The following DAAM2 variants were observed in gnomAD, a reference collection of about 807,000 sequenced individuals.
DAAM2 encodes the protein disheveled-associated activator of morphogenesis 2.
DAAM2 carries 39 observed loss-of-function variants against 120.7 expected under a neutral mutation model. That is an observed-to-expected ratio of 0.32 (90% confidence interval 0.25 to 0.42). DAAM2 has a LOEUF of 0.42. Ranked by LOEUF, DAAM2 falls within the 10% of genes least tolerant of loss-of-function variation. The pLI is 1.00. For missense variants in DAAM2, 1,283 were observed against 1,401.7 expected (o/e 0.92, Z 1.35); for synonymous variants, 488 against 524.9 (o/e 0.93, Z 0.96).
chr6:39,886,743 C>CA (rs1765397467), intron 15 of DAAM2: 1 of 332,690 alleles, frequency 3.0e-6, no homozygotes, highest in Non-Finnish European at 5.4e-6. Context: ...TAAGGACACA[C>CA]AGGGTAGGCA....
intron 1 of DAAM2, among the ~76,000 whole-genome samples, chr6:39,814,205 G>A (rs1046933194): frequency 1.5e-5 from 2 of 135,538 alleles, no homozygotes; most frequent in Non-Finnish European, 3.1e-5. Context: ...TTTTTTTCTC[G>A]CTCATCAGCT....
chr6:39,904,463 C>A lies in DAAM2; in HGVS notation c.*2426C>A. 2.2e-6 allele frequency: 1 copy of A among 454,612 alleles called. No homozygotes were observed. Among genetic ancestry groups the A allele is most frequent in the Non-Finnish European group, 4.4e-6 (1 of 226,974 alleles). The allele number at this position is 454,612 out of a possible 1,614,324, so 28.2% of individuals were successfully genotyped here. On this transcript the variant is annotated 3_prime_UTR_variant, in exon 25 of 25. Coordinates refer to ENST00000274867, the MANE Select transcript of DAAM2 (RefSeq NM_001201427.2). Reference sequence around the variant, plus strand: ...TTGGTCTTGCTTTCTTCATGCCCTCCCCACTGCTCCTGCCACCTTTAGATA... The same window carrying A: ...TTGGTCTTGCTTTCTTCATGCCCTCACCACTGCTCCTGCCACCTTTAGATA...
chr6:39,870,553 T>G, intron 8 of DAAM2, 110 bp downstream of exon 8: 1 of 708,354 alleles, frequency 1.4e-6, no homozygotes, highest in Non-Finnish European at 2.5e-6. Context: ...CCAGCTGCCA[T>G]TCCCAGCGCA....
In DAAM2 at chr6:39,901,483, GT is replaced by G; in HGVS notation, c.2982+12del. The G allele has an allele frequency of 1.0e-5, 16 of 1,600,592 alleles. No individual in the cohort carries two copies. In the South Asian group the frequency reaches 1.8e-4, roughly 18 times the overall value. On this transcript the variant is annotated intron_variant, in intron 24 of 24. Coordinates refer to ENST00000274867, the MANE Select transcript of DAAM2 (RefSeq NM_001201427.2). This position sits in a 1 kb window ranked among gnomAD's most constrained non-coding sequence, Gnocchi z 4.5. ...CGCATGGAAGCCATGGTGAGGGGCAGTGCCAGGCCTGGGACTGAGGGGAGAC... is the reference window on the plus strand; with the variant it reads ...CGCATGGAAGCCATGGTGAGGGGCAGGCCAGGCCTGGGACTGAGGGGAGAC...
Position 39,891,715 on chromosome 6 carries a change from A to T in DAAM2, c.2334A>T (p.Lys778Asn). ...AGCGGCTGGCTGAGGCAAAGCCCAA[A>T]GTGGAAGGTAGGGCTGAGGGTTGCA... Reference protein sequence around the residue: ...FQERLAEAKPKVEAILLASRE... With the variant: ...FQERLAEAKPNVEAILLASRE... Residue 778 changes from lysine to asparagine, a missense_variant, in exon 19 of 25, where the codon AAA (lysine) becomes AAT (asparagine). By Grantham distance (94) the Lys-to-Asn change is moderately conservative. Around this residue, in one of 3 missense-constraint regions of DAAM2, gnomAD observed 748 missense variants for 768.6 expected, o/e 0.97. Coordinates refer to ENST00000274867, the MANE Select transcript of DAAM2 (RefSeq NM_001201427.2). The T allele has an allele frequency of 6.2e-7, 1 of 1,600,656 alleles. No individual in the cohort carries two copies. The highest frequency in any genetic ancestry group is 8.5e-7 in the Non-Finnish European group (1 of 1,173,514).
chr6:39,871,110 G>C (rs920617994), intron 8 of DAAM2, among the ~76,000 whole-genome samples: 1 of 152,182 alleles, frequency 6.6e-6, no homozygotes, highest in African/African-American at 2.4e-5. Context: ...GAGACATTGG[G>C]CGATGCCTGC....
chr6:39,804,492 A>G (rs1761952996), intron 1 of DAAM2, among the ~76,000 whole-genome samples: 1 of 151,646 alleles, frequency 6.6e-6, no homozygotes, highest in South Asian at 2.1e-4. Flanking sequence ...GCTGACGCCT[A>G]TTGCACTGGT....
intron 1 of DAAM2, among the ~76,000 whole-genome samples, chr6:39,798,305 A>G (rs1353037476): frequency 6.6e-6 from 1 of 152,222 alleles, no homozygotes; most frequent in Non-Finnish European, 1.5e-5. Context: ...GGATGATAAT[A>G]AAATACCTCC....
intron 17 of DAAM2, among the ~76,000 whole-genome samples, chr6:39,889,928 G>C (rs1374610499): frequency 6.6e-6 from 1 of 152,188 alleles, no homozygotes; most frequent in Non-Finnish European, 1.5e-5. Flanking sequence ...AGGAGTTCAA[G>C]CCCAGCCTGG....
rs1341068522 is a variant in DAAM2, at chr6:39,816,291, G to C, written c.-57+23826G>C. On this transcript the variant is annotated intron_variant, in intron 1 of 24. Transcript: ENST00000274867. ...TGCAATGTATTTATTTTTGCAATGG[G>C]GCATATTGCTCTATAAATGTTCTCC... Among the ~76,000 whole-genome samples the C allele has an allele frequency of 3.9e-5, 6 of 152,174 alleles. No homozygotes were observed. In the East Asian group the frequency reaches 1.2e-3, roughly 29 times the overall value.
At chr6:39,828,499 T>C (rs1414883566) in intron 1 of DAAM2, among the ~76,000 whole-genome samples, 2 of 152,068 alleles carry the variant, frequency 1.3e-5, no homozygotes, top group Non-Finnish European at 2.9e-5. Flanking sequence ...GGAAGAACAC[T>C]GTGTCCTTAC....
chr6:39,870,940 A>G (rs1764636155), intron 8 of DAAM2, among the ~76,000 whole-genome samples: 1 of 152,176 alleles, frequency 6.6e-6, no homozygotes, highest in East Asian at 1.9e-4. Context: ...CTATTTTATT[A>G]CACTAGGTTT....
intron 17 of DAAM2, among the ~76,000 whole-genome samples, chr6:39,890,536 G>C (rs569892478): frequency 3.9e-4 from 60 of 152,300 alleles, no homozygotes; most frequent in African/African-American, 1.4e-3. Context: ...ATGAGTTCAA[G>C]GACAGGCAAA....
chr6:39,857,562 T>A (rs994698383), intron 2 of DAAM2, among the ~76,000 whole-genome samples: 4 of 152,212 alleles, frequency 2.6e-5, no homozygotes, highest in Non-Finnish European at 5.9e-5. Context: ...TGTAGAATAA[T>A]ATCTGGAGCC....
chr6:39,825,316 G>T (rs946258176), intron 1 of DAAM2, among the ~76,000 whole-genome samples: 1 of 151,952 alleles, frequency 6.6e-6, no homozygotes, highest in African/African-American at 2.4e-5. Context: ...TTGAACCCGG[G>T]AGGTGGAGGT....
Position 39,884,123 on chromosome 6 carries a change from A to G in DAAM2, c.1953+54A>G. 3 of 935,244 alleles carry G rather than the reference A, an allele frequency of 3.2e-6. No individual in the cohort carries two copies. In the South Asian group the frequency reaches 4.3e-5, roughly 14 times the overall value. The allele number at this position is 935,244 out of a possible 1,614,324, so 57.9% of individuals were successfully genotyped here. A position where few individuals can be genotyped will look rare whatever the true frequency, so the allele number is the denominator to read the frequency against. On this transcript the variant is annotated intron_variant, in intron 15 of 24. Coordinates refer to ENST00000274867, the MANE Select transcript of DAAM2 (RefSeq NM_001201427.2). The stretch of plus-strand genomic sequence containing the variant: ...GACCATACCCTTGAATCCAAACCTC[A>G]GCTTCTCCTTTTCTTTCTGCCTGCC...
intron 1 of DAAM2, chr6:39,819,522 C>G (rs1249059094): frequency 6.6e-6 from 1 of 152,186 alleles, no homozygotes; most frequent in Non-Finnish European, 1.5e-5. Flanking sequence ...ATAAGAATTA[C>G]TATCATGAGC....
chr6:39,900,016 C>T, intron 22 of DAAM2, 61 bp from the exon 23 acceptor site: 1 of 1,546,608 alleles, frequency 6.5e-7, no homozygotes, highest in Middle Eastern at 1.7e-4. Context: ...GATGTGGTGA[C>T]CCCTGCACCC....
At chr6:39,818,366 A>T (rs1304719699) in intron 1 of DAAM2, among the ~76,000 whole-genome samples, 1 of 152,108 alleles carries the variant, frequency 6.6e-6, no homozygotes, top group Non-Finnish European at 1.5e-5. Flanking sequence ...TCTGTGTGTA[A>T]TCGGGGGTGG....
Sources: allele counts gnomAD v4.1 joint callset (sites outside exome capture counted in the v4.1 genomes callset), GRCh38; gene constraint gnomAD v4.1.1; regional missense constraint gnomAD v4.1.1; non-coding constraint Gnocchi (gnomAD v3.1); transcripts MANE v1.5; gene names NCBI Gene and HGNC (gene_info 2026-07-23, HGNC 2026-07-21).